The following ATAD2B variants were observed in gnomAD, a reference collection of about 807,000 sequenced individuals.
The protein encoded by ATAD2B is ATPase family AAA domain containing 2B, also known as ATPase family AAA domain-containing protein 2B.
A neutral mutation model predicts 167.6 loss-of-function variants in ATAD2B; 40 were observed. That is an observed-to-expected ratio of 0.24 (90% CI 0.19 to 0.31). The LOEUF (loss-of-function observed/expected upper bound fraction) is 0.31, where lower values mean the gene tolerates loss of function less well. ATAD2B is among the 10% of genes least tolerant of loss of function. The pLI, the probability that ATAD2B is intolerant of heterozygous loss-of-function variation, is 1.00. For synonymous variants in ATAD2B, 579 were observed against 596.5 expected, an observed-to-expected ratio of 0.97 and a Z score of 0.43; for missense variants, 1,242 against 1,757.2, an observed-to-expected ratio of 0.71 and a Z score of 5.24.
chr2:23,806,743 G>A lies in ATAD2B; in HGVS notation c.2454+3573C>T, dbSNP rs891913975. Reference sequence around the variant, plus strand: ...CAGCAATGGTAGTAGTAATAAGCACGATTATAACTAACTTTCATTGAGGAC... The same window carrying A: ...CAGCAATGGTAGTAGTAATAAGCACAATTATAACTAACTTTCATTGAGGAC... On this transcript the variant is annotated intron_variant, in intron 18 of 27. Coordinates refer to ENST00000238789, the MANE Select transcript of ATAD2B (RefSeq NM_017552.4). Among the ~76,000 whole-genome samples the A allele has an allele frequency of 2.6e-5, 4 of 152,128 alleles. No homozygotes were observed. In the South Asian group the frequency reaches 6.2e-4, roughly 24 times the overall value.
intron 7 of ATAD2B, among the ~76,000 whole-genome samples, chr2:23,880,279 TA>T (rs1000865180): frequency 1.2e-4 from 18 of 151,426 alleles, no homozygotes; most frequent in African/African-American, 4.1e-4. Context: ...GTATATGTAG[TA>T]AAAAAAAATA....
intron 15 of ATAD2B, among the ~76,000 whole-genome samples, chr2:23,825,650 G>A (rs1026751020): frequency 2.0e-5 from 3 of 152,100 alleles, no homozygotes; most frequent in Non-Finnish European, 2.9e-5. Flanking sequence ...GAGGAAATAG[G>A]AATATACTAC....
intron 1 of ATAD2B, among the ~76,000 whole-genome samples, chr2:23,924,114 GCGGAGCCT>G (rs1277404571): frequency 1.3e-5 from 2 of 151,824 alleles, no homozygotes; most frequent in Non-Finnish European, 2.9e-5. Context: ...ACCCCGGGGG[GCGGAGCCT>G]GCAGTGAGCC....
At chr2:23,692,786 A>C in the ATAD2B span, among the ~76,000 whole-genome samples, 1 of 152,094 alleles carries the variant, frequency 6.6e-6, no homozygotes, top group Non-Finnish European at 1.5e-5. Context: ...CCCAGAGCCT[A>C]GCGAGCCAGA....
chr2:23,781,469 A>T (rs1165484759), intron 22 of ATAD2B, among the ~76,000 whole-genome samples: 1 of 152,202 alleles, frequency 6.6e-6, no homozygotes, highest in Non-Finnish European at 1.5e-5. Flanking sequence ...GTTTGAGACC[A>T]GCCTAGCCAA....
chr2:23,906,970 AAAT>A (rs1324073905), intron 1 of ATAD2B, among the ~76,000 whole-genome samples: 8 of 150,394 alleles, frequency 5.3e-5, no homozygotes, highest in African/African-American at 7.4e-5. Flanking sequence ...ACGTATTTCA[AAAT>A]AATAAGAGCT....
chr2:23,700,115 T>C, the ATAD2B span, among the ~76,000 whole-genome samples: 2 of 152,240 alleles, frequency 1.3e-5, no homozygotes, highest in African/African-American at 4.8e-5. This position sits in a 1 kb window ranked among gnomAD's most constrained non-coding sequence, Gnocchi z 4.6. Context: ...CCTTCCATCA[T>C]CAGCACTCCC....
At chr2:23,842,221 T>C (rs1046526121) in intron 13 of ATAD2B, among the ~76,000 whole-genome samples, 4 of 152,200 alleles carry the variant, frequency 2.6e-5, no homozygotes, top group African/African-American at 9.7e-5. Flanking sequence ...TGGATTGACT[T>C]TTAAAAATTA....
At chr2:23,704,529 G>A in the ATAD2B span, among the ~76,000 whole-genome samples, 1 of 152,230 alleles carries the variant, frequency 6.6e-6, no homozygotes, top group African/African-American at 2.4e-5. Flanking sequence ...CACTTTGGGA[G>A]GCCGAGGCGG....
At chr2:23,818,879 G>A (rs1012048022) in intron 17 of ATAD2B, among the ~76,000 whole-genome samples, 1 of 152,122 alleles carries the variant, frequency 6.6e-6, no homozygotes, top group Non-Finnish European at 1.5e-5. Flanking sequence ...AGCAAAACTT[G>A]CTTTAACACA....
At chr2:23,827,357 T>C (rs1688411395) in intron 15 of ATAD2B, among the ~76,000 whole-genome samples, 1 of 152,202 alleles carries the variant, frequency 6.6e-6, no homozygotes. Context: ...AGTATTGTCT[T>C]TGGAAATGCA....
chr2:23,745,711 A>G (rs1196426366), downstream of ATAD2B, among the ~76,000 whole-genome samples: 1 of 152,196 alleles, frequency 6.6e-6, no homozygotes, highest in Non-Finnish European at 1.5e-5. Context: ...AATGCTTGTA[A>G]TAATACCTGG....
chr2:23,754,278 G>A lies in ATAD2B; in HGVS notation c.4236C>T (p.Ser1412=), dbSNP rs1473934552. ...KKLLDLLVDK[S]NNLAVDQLER... ...CAAGCTGATCAACTGCCAGATTGTT[G>A]CTTTTATCCACCAACAAATCAAGCA... The change falls in exon 27 of 28, where the codon AGC becomes AGT. Residue 1412 remains serine, a synonymous_variant. Coordinates refer to ENST00000238789, the MANE Select transcript of ATAD2B (RefSeq NM_017552.4). 6.4e-7 allele frequency: 1 copy of A among 1,564,020 alleles called. No homozygotes were observed. The highest frequency in any genetic ancestry group is 8.7e-7 in the Non-Finnish European group (1 of 1,154,944).
chr2:23,865,188 T>C (rs1694954124), intron 10 of ATAD2B, among the ~76,000 whole-genome samples: 1 of 152,070 alleles, frequency 6.6e-6, no homozygotes, highest in Non-Finnish European at 1.5e-5. Flanking sequence ...TAGGTATCTA[T>C]AGGAGATTTT....
chr2:23,863,478 C>T lies in ATAD2B; in HGVS notation c.1382G>A (p.Gly461Glu). Residue 461 changes from glycine (G) to glutamate (E), a missense_variant, in exon 12 of 28, where the codon GGA becomes GAA. This residue lies in a region of ATAD2B where 151 missense variants were observed against 284.1 expected (regional missense o/e 0.53). Transcript: ENST00000238789. ...CATAAAAAAAGCCACTTTTTTGTCT[C>T]CTTGGCTGCATTCATTAGCTAATGC... ...ARALANECSQ[G>E]DKKVAFFMRK... 1 of 1,558,868 alleles carries T rather than the reference C, an allele frequency of 6.4e-7. No homozygotes were observed. The highest frequency in any genetic ancestry group is 1.2e-5 in the South Asian group (1 of 84,432).
At chr2:23,818,135 CACACACAGAG>C (rs1361555440) in intron 17 of ATAD2B, among the ~76,000 whole-genome samples, 16 of 134,818 alleles carry the variant, frequency 1.2e-4, no homozygotes, top group South Asian at 2.6e-4. Context: ...CACACACACA[CACACACAGAG>C]AGAGAGAAGG....
chr2:23,804,182 A>T (rs1192497513), intron 18 of ATAD2B, among the ~76,000 whole-genome samples: 1 of 152,228 alleles, frequency 6.6e-6, no homozygotes, highest in African/African-American at 2.4e-5. Flanking sequence ...CCAATTATTT[A>T]AAAATTCCTC....
At chr2:23,706,412 T>C in the ATAD2B span, 16 of 1,276,410 alleles carry the variant, frequency 1.3e-5, no homozygotes, top group African/African-American at 2.2e-4. Flanking sequence ...GGACACGACG[T>C]TGAGAACCTA....
At position 23,828,918 on chromosome 2, in the gene ATAD2B, T is replaced by C; in HGVS notation, c.1750A>G (p.Ile584Val). The C allele has an allele frequency of 6.2e-7, 1 of 1,606,512 alleles. No homozygotes were observed. The highest frequency in any genetic ancestry group is 1.1e-5 in the South Asian group (1 of 88,960). Residue 584 changes from isoleucine (I) to valine (V), a missense_variant, in exon 15 of 28, where the codon ATC becomes GTC. Transcript: ENST00000238789. ...DQKARKHILQ[I>V]HTRDWNPKLS... ...TTTGGATTCCAGTCCCTGGTATGGATCTGTAAGATGTGTTTTCTTGCCTAA... is the reference window on the plus strand; with the variant it reads ...TTTGGATTCCAGTCCCTGGTATGGACCTGTAAGATGTGTTTTCTTGCCTAA...
Sources: allele counts gnomAD v4.1 joint callset (sites outside exome capture counted in the v4.1 genomes callset), GRCh38; gene constraint gnomAD v4.1.1; regional missense constraint gnomAD v4.1.1; non-coding constraint Gnocchi (gnomAD v3.1); transcripts MANE v1.5; gene names NCBI Gene and HGNC (gene_info 2026-07-23, HGNC 2026-07-21).